Variants in PCSK5 observed in about 807,000 individuals in gnomAD.
The protein encoded by PCSK5 is prohormone convertase 5.
A neutral mutation model predicts 233.2 loss-of-function variants in PCSK5; 129 were observed. The ratio of observed to expected loss-of-function variants is 0.55; its 90% CI spans 0.48 to 0.64. The LOEUF (loss-of-function observed/expected upper bound fraction) is 0.64, where lower values mean the gene tolerates loss of function less well. PCSK5 is among the 30% of genes least tolerant of loss of function. The pLI is 0.00. For synonymous variants in PCSK5, 825 were observed against 879.2 expected (o/e 0.94, Z 1.09); for missense variants, 2,076 against 2,430.1 (o/e 0.85, Z 3.06).
chr9:76,022,487 G>A (rs1047863448), intron 3 of PCSK5, among the ~76,000 whole-genome samples: 1 of 151,984 alleles, frequency 6.6e-6, no homozygotes, highest in Non-Finnish European at 1.5e-5. Flanking sequence ...GGAAAGACCT[G>A]GGGTGGCTCG....
chr9:75,918,235 A>G (rs1239055142), intron 1 of PCSK5, among the ~76,000 whole-genome samples: 1 of 152,240 alleles, frequency 6.6e-6, no homozygotes, highest in Non-Finnish European at 1.5e-5. Context: ...TTTGTGCTTC[A>G]TCTTGACTGC....
In PCSK5 at chr9:76,359,303, G is replaced by A. The variant is rs79943184; in HGVS notation, c.*381G>A. On this transcript the variant is annotated 3_prime_UTR_variant, in exon 38 of 38. Coordinates refer to ENST00000674117, the MANE Select transcript of PCSK5 (RefSeq NM_001372043.1). ...TGTTTCCGAGCTGCATTGTGGAGGT[G>A]TCTGCTGCCTCCTGGTATTCTAATT... The A allele has an allele frequency of 1.2e-3, 213 of 181,922 alleles. 1 individual carries two copies. The highest frequency in any genetic ancestry group is 4.8e-3 in the African/African-American group (206 of 42,786). The allele number at this position is 181,922 out of a possible 1,614,324, so 11.3% of individuals were successfully genotyped here. A position where few individuals can be genotyped will look rare whatever the true frequency, so the allele number is the denominator to read the frequency against.
chr9:75,970,563 A>G (rs983229885), intron 2 of PCSK5, among the ~76,000 whole-genome samples: 2 of 152,138 alleles, frequency 1.3e-5, no homozygotes, highest in African/African-American at 4.8e-5. Context: ...TGGAACATAA[A>G]GGCTCTAGAG....
chr9:76,067,675 G>A (rs985874218), intron 5 of PCSK5, among the ~76,000 whole-genome samples: 2 of 152,190 alleles, frequency 1.3e-5, no homozygotes, highest in African/African-American at 2.4e-5. Context: ...TAGAAGTTTG[G>A]GGGATATAGA....
chr9:75,891,116 T>C lies in PCSK5; in HGVS notation c.-66T>C. The C allele has an allele frequency of 7.9e-7, 1 of 1,270,152 alleles. No individual in the cohort carries two copies. The highest frequency in any genetic ancestry group is 1.0e-6 in the Non-Finnish European group (1 of 973,736). 78.7% of individuals were successfully genotyped at this position (1,270,152 alleles called of 1,614,324 possible). On this transcript the variant is annotated 5_prime_UTR_variant, in exon 1 of 38. Transcript: ENST00000674117. ...GCCGGGCGGCGCAGGCCGGAGAAGT[T>C]AGTTGTGCGCGCCCTTAGTGCGCGG... is the stretch of plus-strand genomic sequence containing the variant.
chr9:76,319,307 T>C (rs1001293385), intron 30 of PCSK5, among the ~76,000 whole-genome samples: 1 of 151,524 alleles, frequency 6.6e-6, no homozygotes, highest in Non-Finnish European at 1.5e-5. Flanking sequence ...GGCAAGAGAC[T>C]GAAGGCACAA....
At chr9:75,896,835 G>T (rs1825828290) in intron 1 of PCSK5, among the ~76,000 whole-genome samples, 1 of 152,130 alleles carries the variant, frequency 6.6e-6, no homozygotes, top group South Asian at 2.1e-4. Flanking sequence ...TTTGCACATA[G>T]TTTAGAGTAA....
At chr9:75,917,595 G>A (rs1299257622) in intron 1 of PCSK5, among the ~76,000 whole-genome samples, 1 of 152,230 alleles carries the variant, frequency 6.6e-6, no homozygotes, top group Non-Finnish European at 1.5e-5. Context: ...TGGATATCAT[G>A]AGCAGATAGT....
chr9:76,109,565 T>G (rs931725496), intron 9 of PCSK5, among the ~76,000 whole-genome samples: 41 of 151,892 alleles, frequency 2.7e-4, no homozygotes, highest in African/African-American at 2.4e-4. Flanking sequence ...CAATTGTTTT[T>G]TTTTTTTTTT....
At position 76,221,387 on chromosome 9, in the gene PCSK5, C is replaced by T. The variant is rs777090951; in HGVS notation, c.2627-6116C>T. On this transcript the variant is annotated intron_variant, in intron 20 of 37. Transcript: ENST00000674117. ...GAAATGAATCCATACCAGCAAATAT[C>T]GTAGAAAGAGCATGGGCTCAGTCTC... 4.6e-5 allele frequency among the ~76,000 whole-genome samples: 7 copies of T among 152,298 alleles called. No homozygotes were observed. The Middle Eastern group carries it at 0.01, about 222-fold the overall frequency.
intron 3 of PCSK5, among the ~76,000 whole-genome samples, chr9:75,989,363 G>C (rs776077066): frequency 9.2e-5 from 14 of 152,080 alleles, no homozygotes; most frequent in South Asian, 2.1e-4. Context: ...ACGAGGTGGC[G>C]TGCTCCTGTG....
At chr9:75,932,549 C>CACT in intron 2 of PCSK5, 66 bp downstream of exon 2, 1 of 916,996 alleles carries the variant, frequency 1.1e-6, no homozygotes, top group Non-Finnish European at 1.8e-6. Context: ...GGTAATAACA[C>CACT]ACTAGGGGCT....
intron 7 of PCSK5, among the ~76,000 whole-genome samples, chr9:76,086,224 G>A (rs1831056300): frequency 6.6e-6 from 1 of 152,212 alleles, no homozygotes; most frequent in Non-Finnish European, 1.5e-5. Context: ...GGCAATGCTG[G>A]GATGGTGGAT....
intron 20 of PCSK5, among the ~76,000 whole-genome samples, chr9:76,216,837 G>A (rs532255648): frequency 3.3e-5 from 5 of 152,176 alleles, no homozygotes; most frequent in African/African-American, 9.6e-5. Context: ...TACTTACTAC[G>A]CATTTCTTTT....
At chr9:75,976,192 A>G (rs2131373368) in intron 2 of PCSK5, among the ~76,000 whole-genome samples, 1 of 152,104 alleles carries the variant, frequency 6.6e-6, no homozygotes, top group East Asian at 1.9e-4. Context: ...TCCATTCAAC[A>G]AGTATTTAAT....
intron 20 of PCSK5, among the ~76,000 whole-genome samples, chr9:76,206,312 G>C (rs1002985458): frequency 4.6e-5 from 7 of 152,158 alleles, no homozygotes; most frequent in Admixed American, 2.6e-4. Context: ...TGTAACTTTG[G>C]ATAAAGTATT....
chr9:75,901,613 T>C (rs1468803449), intron 1 of PCSK5, among the ~76,000 whole-genome samples: 1 of 141,140 alleles, frequency 7.1e-6, no homozygotes, highest in Non-Finnish European at 1.5e-5. Flanking sequence ...GTTCTGCACA[T>C]ATATCCCAGA....
chr9:76,350,783 G>A, intron 35 of PCSK5, 45 bp from the exon 36 acceptor site: 1 of 1,146,970 alleles, frequency 8.7e-7, no homozygotes, highest in Non-Finnish European at 1.3e-6. Flanking sequence ...GACAGAAGTT[G>A]AAATCTAAGG....
chr9:75,891,427 T>C, intron 1 of PCSK5, 54 bp downstream of exon 1: 4 of 1,347,754 alleles, frequency 3.0e-6, no homozygotes, highest in Non-Finnish European at 4.1e-6. Flanking sequence ...TGGGGGCTTC[T>C]TGTCCCCTCT....
Sources: gnomAD v4.1 joint callset for allele counts (sites outside exome capture counted in the v4.1 genomes callset) on GRCh38, gnomAD v4.1.1 for gene constraint, MANE v1.5 for transcripts, NCBI Gene and HGNC (gene_info 2026-07-23, HGNC 2026-07-21) for gene names.